The following PLA2G4B variants were observed in gnomAD, a reference collection of about 807,000 sequenced individuals.
PLA2G4B encodes the protein phospholipase A2 group IVB.
In PLA2G4B, 122 loss-of-function variants were observed where a neutral mutation model predicts 95.8. The observed-to-expected ratio is 1.27, with a 90% CI of 1.10 to 1.48. The LOEUF (loss-of-function observed/expected upper bound fraction) is 1.48. Among genes scored for constraint, PLA2G4B ranks in the 40% most tolerant of loss-of-function variants. PLA2G4B has a pLI of 0.00. For missense variants in PLA2G4B, 1,158 were observed against 996.2 expected (o/e 1.16, Z -2.19); for synonymous variants, 518 against 421.5 (o/e 1.23, Z -2.80).
intron 12 of PLA2G4B, 43 bp from the exon 13 acceptor site, chr15:41,844,805 C>A (rs535209831): frequency 1.3e-6 from 2 of 1,565,192 alleles, no homozygotes; most frequent in South Asian, 2.3e-5. Flanking sequence ...TAGACGGGGT[C>A]CTTCAGTGAC....
chr15:41,841,537 G>A lies in PLA2G4B; in HGVS notation c.456G>A (p.Leu152=). The part of the protein sequence containing the change: ...GVLVARELSC[L]HVQLEETGDQ... ...CTCAGGCCCGGGAGCTCTCCTGCTTGCACGTTCAACTGGAGGAGACAGGAG... is the reference window on the plus strand; with the variant it reads ...CTCAGGCCCGGGAGCTCTCCTGCTTACACGTTCAACTGGAGGAGACAGGAG... Residue 152 remains leucine (L), a synonymous_variant, in exon 7 of 20, where the codon TTG becomes TTA. Coordinates refer to ENST00000458483, the MANE Select transcript of PLA2G4B (RefSeq NM_001114633.2). 1 of 1,614,072 alleles carries A rather than the reference G, an allele frequency of 6.2e-7. No individual in the cohort carries two copies. The highest frequency in any genetic ancestry group is 8.5e-7 in the Non-Finnish European group (1 of 1,180,006).
intron 7 of PLA2G4B, 69 bp downstream of exon 7, chr15:41,841,640 A>G (rs137920684): frequency 0.027 from 43,178 of 1,603,830 alleles, 633 homozygotes; most frequent in Non-Finnish European, 0.032. Flanking sequence ...AGCATTGGAC[A>G]ATTCTCCTTG....
Position 41,840,277 on chromosome 15 carries a change from A to G in PLA2G4B, c.82+47A>G, listed in dbSNP as rs768253127. ...CCCTGTGCTGGGCTGAGGGAGGAGG[A>G]GGGTGCTGAGGAGGAGGGTGCTGTG... On this transcript the variant is annotated intron_variant, in intron 2 of 19. Coordinates refer to ENST00000458483, the MANE Select transcript of PLA2G4B (RefSeq NM_001114633.2). 5 of 1,587,536 alleles carry G rather than the reference A, an allele frequency of 3.1e-6. No individual in the cohort carries two copies. The African/African-American group carries it at 4.0e-5, about 13-fold the overall frequency.
rs753573474 is a variant in PLA2G4B, at chr15:41,844,830, G to C, written c.1017-18G>C. On this transcript the variant is annotated intron_variant, in intron 12 of 19. Coordinates refer to ENST00000458483, the MANE Select transcript of PLA2G4B (RefSeq NM_001114633.2). The stretch of plus-strand genomic sequence containing the variant: ...CCTTCAGTGACAGCCCTCTGGCTTT[G>C]GCTTTGGCTTTTCCCAGGGCCTTGG... The C allele has an allele frequency of 6.3e-7, 1 of 1,583,418 alleles. No individual in the cohort carries two copies. Among genetic ancestry groups the C allele is most frequent in the Non-Finnish European group, 8.6e-7 (1 of 1,166,222 alleles).
At position 41,840,760 on chromosome 15, in the gene PLA2G4B, CT is replaced by C; in HGVS notation, c.220-10del. On this transcript the variant is annotated splice_polypyrimidine_tract_variant and intron_variant, in intron 3 of 19. Coordinates refer to ENST00000458483, the MANE Select transcript of PLA2G4B (RefSeq NM_001114633.2). Reference sequence around the variant, plus strand: ...CCCTCCCTCCTGCAGCCCTGTCACTCTTTTCCCCTCCAGAATGTCATGGAAC... The same window carrying C: ...CCCTCCCTCCTGCAGCCCTGTCACTCTTTCCCCTCCAGAATGTCATGGAAC... 2 of 1,612,958 alleles carry C rather than the reference CT, an allele frequency of 1.2e-6. No individual in the cohort carries two copies. Among genetic ancestry groups the C allele is most frequent in the East Asian group, 2.2e-5 (1 of 44,852 alleles).
At chr15:41,841,764 G>A (rs1410232526) in intron 7 of PLA2G4B, 55 bp from the exon 8 acceptor site, 2 of 1,599,810 alleles carry the variant, frequency 1.3e-6, no homozygotes, top group African/African-American at 2.7e-5. Context: ...AGCAAGATGG[G>A]TTCTGTGGGC....
At chr15:41,843,866 G>A in intron 11 of PLA2G4B, 55 bp downstream of exon 11, 1 of 1,591,442 alleles carries the variant, frequency 6.3e-7, no homozygotes, top group South Asian at 1.1e-5. Context: ...CCTAGCTCCT[G>A]GTGCTGAACA....
intron 9 of PLA2G4B, 112 bp from the exon 10 acceptor site, chr15:41,842,442 G>T: frequency 1.9e-6 from 3 of 1,572,094 alleles, no homozygotes; most frequent in Non-Finnish European, 2.6e-6. Context: ...CAGGCCTGGC[G>T]CCTGTGGAGA....
At chr15:41,841,618 C>G in intron 7 of PLA2G4B, 47 bp downstream of exon 7, 1 of 1,613,082 alleles carries the variant, frequency 6.2e-7, no homozygotes, top group Non-Finnish European at 8.5e-7. Flanking sequence ...CAGCTCTTGT[C>G]TTCCCCCTTT....
In PLA2G4B at chr15:41,845,707, T is replaced by G. The variant is rs143154524; in HGVS notation, c.1427T>G (p.Phe476Cys). 1 of 1,613,280 alleles carries G rather than the reference T, an allele frequency of 6.2e-7. No individual in the cohort carries two copies. Among genetic ancestry groups the G allele is most frequent in the Non-Finnish European group, 8.5e-7 (1 of 1,179,756 alleles). ...GGGGCCTTCATCCCCTCTGAGCTCT[T>G]TGGCTCCGAGTTCTTTATGGGGCAG... ...KYGAFIPSEL[F>C]GSEFFMGQLM... The change falls in exon 15 of 20, where the codon TTT becomes TGT. Residue 476 changes from phenylalanine (F) to cysteine (C), a missense_variant. Physicochemically the swap from Phe to Cys is radical, Grantham distance 205. Transcript: ENST00000458483.
Position 41,843,776 on chromosome 15 carries a change from G to A in PLA2G4B, c.844G>A (p.Ala282Thr). ...GGTGGTGGCCGCGGCCTTGAGGCAG[G>A]CCCTGCAGCTGGACGGAGACCTGCA... ...KQVVAAALRQ[A>T]LQLDGDLQED... The change falls in exon 11 of 20, where the codon GCC (alanine) becomes ACC (threonine). Residue 282 changes from alanine to threonine, a missense_variant. Coordinates refer to ENST00000458483, the MANE Select transcript of PLA2G4B (RefSeq NM_001114633.2). 1 of 1,613,906 alleles carries A rather than the reference G, an allele frequency of 6.2e-7. No individual in the cohort carries two copies. Among genetic ancestry groups the A allele is most frequent in the East Asian group, 2.2e-5 (1 of 44,874 alleles).
rs754275332 is a variant in PLA2G4B at position 41,841,811 on chromosome 15, G to A, written c.491-8G>A. The A allele has an allele frequency of 6.2e-7, 1 of 1,613,020 alleles. No individual in the cohort carries two copies. On this transcript the variant is annotated splice_polypyrimidine_tract_variant and splice_region_variant and intron_variant, in intron 7 of 19. Transcript: ENST00000458483. ...CCCCAGCCTCTCTGCTCTGGTTCCT[G>A]TTTCCAGCCTCAGAGCACAGAGTTC...
In PLA2G4B at chr15:41,842,169, G is replaced by T. The variant is rs79116225; in HGVS notation, c.622-24G>T. 1,134 of 1,613,144 alleles carry T rather than the reference G, an allele frequency of 7.0e-4. 8 individuals are homozygous for T. The African/African-American group carries it at 0.014, about 19-fold the overall frequency. On this transcript the variant is annotated intron_variant, in intron 8 of 19. Coordinates refer to ENST00000458483, the MANE Select transcript of PLA2G4B (RefSeq NM_001114633.2). ...GGAGTGGAAGCGTAAAGATTCTTAG[G>T]TCTGCATTCTTTGTCCCCTGCAGGA...
At chr15:41,847,278 CCA>C (rs1555458758) in intron 18 of PLA2G4B, 57 bp from the exon 19 acceptor site, 1 of 1,536,186 alleles carries the variant, frequency 6.5e-7, no homozygotes, top group South Asian at 1.2e-5. Flanking sequence ...TACGTCAGCC[CCA>C]GTGTTGAGGA....
rs778507511 is a variant in PLA2G4B, at chr15:41,843,681, G to A, written c.749G>A (p.Arg250Lys). 1 of 1,613,378 alleles carries A rather than the reference G, an allele frequency of 6.2e-7. No individual in the cohort carries two copies. The highest frequency in any genetic ancestry group is 8.5e-7 in the Non-Finnish European group (1 of 1,179,644). ...RVELKKEAGL[R>K]ELAVRLGFGP... ...TCTCTTCCTTCCCCGGCCAGACTGA[G>A]GGAGCTGGCCGTGCGACTGGGCTTC... is the stretch of plus-strand genomic sequence containing the variant. Residue 250 changes from arginine to lysine, a missense_variant, in exon 11 of 20, where the codon AGG (arginine) becomes AAG (lysine). Coordinates refer to ENST00000458483, the MANE Select transcript of PLA2G4B (RefSeq NM_001114633.2).
chr15:41,840,640 A>C lies in PLA2G4B; in HGVS notation c.199A>C (p.Arg67=). The change falls in exon 3 of 20, where the codon AGG becomes CGG. Residue 67 remains arginine, a synonymous_variant. Coordinates refer to ENST00000458483, the MANE Select transcript of PLA2G4B (RefSeq NM_001114633.2). ...SPVWNQSFHF[R]IHRQLKNVME... ...TGTCTGGAACCAGAGCTTTCACTTC[A>C]GGATCCACAGGCAGCTCAAGGTGGG... The C allele has an allele frequency of 3.7e-6, 6 of 1,613,780 alleles. No homozygotes were observed. The highest frequency in any genetic ancestry group is 5.1e-6 in the Non-Finnish European group (6 of 1,179,876).
rs770605112 is a variant in PLA2G4B, at chr15:41,842,537, G to A, written c.706-17G>A. The A allele has an allele frequency of 3.7e-6, 6 of 1,611,368 alleles. No homozygotes were observed. The Admixed American group carries it at 8.5e-5, about 23-fold the overall frequency. On this transcript the variant is annotated splice_polypyrimidine_tract_variant and intron_variant, in intron 9 of 19. Coordinates refer to ENST00000458483, the MANE Select transcript of PLA2G4B (RefSeq NM_001114633.2). ...AGGTGGCCGACCTTTTGTGACTGGG[G>A]CCTTCACGGTTTTCAGGAGCCCCTG...
Position 41,846,015 on chromosome 15 carries a change from G to A in PLA2G4B, c.1568G>A (p.Trp523Ter). 3.3e-6 allele frequency: 5 copies of A among 1,536,592 alleles called. No homozygotes were observed. Among genetic ancestry groups the A allele is most frequent in the Non-Finnish European group, 4.4e-6 (5 of 1,142,086 alleles). The stretch of plus-strand genomic sequence containing the variant: ...TGGGCCTCAGAGCCCAGCCAGTTCT[G>A]GGACCGCTGGGTCAGGAACCAGGCC... ...LYWASEPSQFWDRWVRNQANL... is the reference protein window; with the variant it reads ...LYWASEPSQF The change falls in exon 16 of 20, where the codon TGG (tryptophan) becomes TAG (stop). Residue 523 changes from tryptophan (W) to a stop codon, truncating the protein, a stop_gained. Coordinates refer to ENST00000458483, the MANE Select transcript of PLA2G4B (RefSeq NM_001114633.2). LOFTEE classifies it high-confidence loss of function.
chr15:41,842,785 A>G (rs2065458872), intron 10 of PLA2G4B, 194 bp downstream of exon 10: 2 of 827,852 alleles, frequency 2.4e-6, no homozygotes, highest in African/African-American at 1.8e-5. Flanking sequence ...ACCTATGGTC[A>G]GAGGGGCGAG....
Sources: gnomAD v4.1 joint callset for allele counts on GRCh38, gnomAD v4.1.1 for gene constraint, MANE v1.5 for transcripts, NCBI Gene and HGNC (gene_info 2026-07-23, HGNC 2026-07-21) for gene names.